The following OGG1 variants were observed in gnomAD, a reference collection of about 807,000 sequenced individuals.
OGG1 encodes the protein N-glycosylase/DNA lyase.
In OGG1, 35 loss-of-function variants were observed where a neutral mutation model predicts 42.3. The observed-to-expected ratio is 0.83, with a 90% CI of 0.63 to 1.10. The LOEUF (loss-of-function observed/expected upper bound fraction) is 1.10, where lower values mean the gene tolerates loss of function less well. OGG1 is among the 50% of genes least tolerant of loss of function. The pLI, the probability that OGG1 is intolerant of heterozygous loss-of-function variation, is 0.00. For synonymous variants in OGG1, 189 were observed against 179.0 expected, an observed-to-expected ratio of 1.06 and a Z score of -0.44; for missense variants, 484 against 446.7, an observed-to-expected ratio of 1.08 and a Z score of -0.75.
At chr3:9,777,715 C>T (rs945351851) in intron 2 of OGG1, among the ~76,000 whole-genome samples, 5 of 152,084 alleles carry the variant, frequency 3.3e-5, no homozygotes, top group Admixed American at 2.6e-4. Context: ...ATCTGTCTTC[C>T]TTCTTTCACA....
chr3:9,765,848 C>T (rs778831944), exon 8 of OGG1: 15 of 1,613,854 alleles, frequency 9.3e-6, no homozygotes, highest in African/African-American at 1.3e-5. Flanking sequence ...CCAGCTTCTG[C>T]GTCCTCTTAT....
intron 5 of OGG1, 40 bp from the exon 6 acceptor site, chr3:9,756,726 AG>A (rs761770531): frequency 1.2e-6 from 2 of 1,614,178 alleles, no homozygotes; most frequent in Non-Finnish European, 1.7e-6. Context: ...GATGGGTCAC[AG>A]AAGGGGTCAG....
At chr3:9,789,409 TG>T, downstream of OGG1, 1 of 1,100,144 alleles carries the variant, frequency 9.1e-7, no homozygotes, top group Non-Finnish European at 1.3e-6. Context: ...TGGGCAGGGT[TG>T]GGGAAGGAAG....
chr3:9,777,803 A>G (rs998429297), intron 2 of OGG1, among the ~76,000 whole-genome samples: 3 of 152,130 alleles, frequency 2.0e-5, no homozygotes, highest in African/African-American at 4.8e-5. Context: ...ACTCTCTACC[A>G]ACAACGCCCA....
At chr3:9,760,833 T>C, downstream of OGG1, 1 of 1,603,952 alleles carries the variant, frequency 6.2e-7, no homozygotes, top group Non-Finnish European at 8.5e-7. Context: ...GGTGGAGCAC[T>C]GGGGCAGTCT....
chr3:9,772,937 T>A (rs567180515), intron 2 of OGG1, among the ~76,000 whole-genome samples: 1 of 152,298 alleles, frequency 6.6e-6, no homozygotes, highest in East Asian at 1.9e-4. Flanking sequence ...CCAGTCCCGA[T>A]GAGCACATTT....
exon 8 of OGG1, chr3:9,766,240 G>A: frequency 1.4e-6 from 1 of 715,374 alleles, no homozygotes; most frequent in South Asian, 1.5e-5. Flanking sequence ...TTAACACAAA[G>A]GAAGTCCAAC....
At chr3:9,761,922 T>C (rs1259137935), downstream of OGG1, 1 of 1,047,414 alleles carries the variant, frequency 9.5e-7, no homozygotes, top group Non-Finnish European at 1.3e-6. Context: ...AGGCCAAAAA[T>C]TCCAGGAAGG....
downstream of OGG1, among the ~76,000 whole-genome samples, chr3:9,790,567 T>C (rs1252489998): frequency 6.6e-6 from 1 of 152,160 alleles, no homozygotes; most frequent in Non-Finnish European, 1.5e-5. Flanking sequence ...CTTAACCATC[T>C]CTATTTTGCA....
chr3:9,753,496 C>CA (rs1163301781), intron 3 of OGG1, among the ~76,000 whole-genome samples: 3 of 151,260 alleles, frequency 2.0e-5, no homozygotes, highest in Non-Finnish European at 3.0e-5. Flanking sequence ...ACTAAAAATA[C>CA]AAAAAAAATT....
chr3:9,757,470 G>A, downstream of OGG1: 1 of 1,602,438 alleles, frequency 6.2e-7, no homozygotes, highest in Non-Finnish European at 8.5e-7. This position sits in a 1 kb window ranked among gnomAD's most constrained non-coding sequence, Gnocchi z 4.5. Context: ...TCCCGGTTCA[G>A]GGAGGGAAGG....
At chr3:9,766,994 TC>T (rs1260464762), downstream of OGG1, among the ~76,000 whole-genome samples, 1 of 151,730 alleles carries the variant, frequency 6.6e-6, no homozygotes, top group Non-Finnish European at 1.5e-5. Context: ...TTTTCCACTC[TC>T]CCCCCAGCCT....
At chr3:9,758,153 G>C (rs1036486398), downstream of OGG1, 6 of 218,992 alleles carry the variant, frequency 2.7e-5, no homozygotes, top group African/African-American at 1.4e-4. Context: ...AGCACTTTAC[G>C]TAGTAATTCA....
intron 3 of OGG1, among the ~76,000 whole-genome samples, chr3:9,753,808 A>T (rs1195819131): frequency 2.6e-5 from 4 of 152,236 alleles, no homozygotes; most frequent in African/African-American, 7.2e-5. Context: ...GGAGTGAATA[A>T]AGCAATCATG....
intron 3 of OGG1, among the ~76,000 whole-genome samples, chr3:9,782,870 C>A (rs911254633): frequency 3.3e-5 from 5 of 151,788 alleles, no homozygotes; most frequent in Admixed American, 1.3e-4. Context: ...CAGCACTTGT[C>A]TGTGAGAAGC....
chr3:9,759,060 C>T (rs1015450321), downstream of OGG1: 2 of 805,588 alleles, frequency 2.5e-6, no homozygotes, highest in East Asian at 2.4e-5. Flanking sequence ...ACCTGCTTCT[C>T]TAAATTGGGC....
chr3:9,751,829 A>G lies in OGG1; in HGVS notation c.445A>G (p.Asn149Asp), dbSNP rs1366443566. ...CCTTTTCTCTTTTATCTGTTCCTCC[A>G]ACAACAACATCGCCCGCATCACTGG... ...ECLFSFICSS[N>D]NNIARITGMV... Residue 149 changes from asparagine (N) to aspartate (D), a missense_variant, in exon 3 of 7, where the codon AAC (asparagine) becomes GAC (aspartate). Asn to Asp is a conservative substitution (Grantham distance 23). Coordinates refer to ENST00000344629, the MANE Select transcript of OGG1 (RefSeq NM_002542.6). The G allele has an allele frequency of 1.2e-6, 2 of 1,614,064 alleles. No homozygotes were observed. Among genetic ancestry groups the G allele is most frequent in the Non-Finnish European group, 1.7e-6 (2 of 1,179,978 alleles).
At chr3:9,757,630 G>T, downstream of OGG1, 1 of 1,614,192 alleles carries the variant, frequency 6.2e-7, no homozygotes, top group Non-Finnish European at 8.5e-7. This position sits in a 1 kb window ranked among gnomAD's most constrained non-coding sequence, Gnocchi z 4.5. Context: ...CCCTGCATGG[G>T]AAGACAGAAC....
At chr3:9,763,037 C>A in intron 7 of OGG1, 6 of 1,614,124 alleles carry the variant, frequency 3.7e-6, no homozygotes, top group Non-Finnish European at 4.2e-6. Flanking sequence ...GGTCAAAGAG[C>A]TCCCCACCCG....
Sources: gnomAD v4.1 joint callset for allele counts (sites outside exome capture counted in the v4.1 genomes callset) on GRCh38, gnomAD v4.1.1 for gene constraint, Gnocchi (gnomAD v3.1) non-coding constraint, MANE v1.5 for transcripts, NCBI Gene and HGNC (gene_info 2026-07-23, HGNC 2026-07-21) for gene names.